Variants in USP53 observed in about 807,000 individuals in gnomAD.
The protein encoded by USP53 is ubiquitin carboxyl-terminal hydrolase 53.
USP53 carries 71 observed loss-of-function variants against 94.9 expected under a neutral mutation model. That is an observed-to-expected ratio of 0.75 (90% CI 0.62 to 0.91). The LOEUF (loss-of-function observed/expected upper bound fraction) is 0.91. USP53 is among the 40% of genes least tolerant of loss of function. The probability of loss-of-function intolerance (pLI) is 0.00; values close to 1 mark genes in which losing one functional copy is unlikely to be tolerated. For missense variants in USP53, 1,173 were observed against 1,281.0 expected, an observed-to-expected ratio of 0.92 and a Z score of 1.29; for synonymous variants, 375 against 422.7, an observed-to-expected ratio of 0.89 and a Z score of 1.39.
intron 12 of USP53, among the ~76,000 whole-genome samples, chr4:119,262,079 G>GAATAATAAGT (rs1339454298): frequency 6.6e-6 from 1 of 152,040 alleles, no homozygotes; most frequent in African/African-American, 2.4e-5. Context: ...TCCATTTCCA[G>GAATAATAAGT]AATAATAATA....
Position 119,292,886 on chromosome 4 carries a change from C to T in USP53, c.2897C>T (p.Ala966Val). 6.2e-7 allele frequency: 1 copy of T among 1,614,046 alleles called. No individual in the cohort carries two copies. The highest frequency in any genetic ancestry group is 2.2e-5 in the East Asian group (1 of 44,880). Residue 966 changes from alanine to valine, a missense_variant, in exon 19 of 19, where the codon GCT (alanine) becomes GTT (valine). By Grantham distance (64) the Ala-to-Val change is moderately conservative (BLOSUM62 0). Coordinates refer to ENST00000692078, the MANE Select transcript of USP53 (RefSeq NM_001371395.1). ...SHLPKHSLST[A>V]SEPSLEVSTH... ...CTTCCGAAGCACAGTTTAAGTACAG[C>T]TTCAGAACCAAGTTTAGAAGTGAGT...
chr4:119,240,662 G>C (rs1357427708), intron 5 of USP53, among the ~76,000 whole-genome samples: 1 of 151,696 alleles, frequency 6.6e-6, no homozygotes, highest in Non-Finnish European at 1.5e-5. Context: ...TTTTTCTTTT[G>C]AAAACTAATA....
chr4:119,258,995 T>A (rs1478082147), intron 9 of USP53, among the ~76,000 whole-genome samples: 4 of 152,138 alleles, frequency 2.6e-5, no homozygotes, highest in African/African-American at 9.7e-5. Flanking sequence ...ATGATTAGTA[T>A]CCTGGCTGAG....
At chr4:119,285,779 T>C (rs1418563571) in intron 17 of USP53, among the ~76,000 whole-genome samples, 1 of 151,920 alleles carries the variant, frequency 6.6e-6, no homozygotes, top group Non-Finnish European at 1.5e-5. Context: ...GCCGATTTTT[T>C]TTCTATGCAT....
At chr4:119,253,050 G>A (rs1363697506) in intron 7 of USP53, among the ~76,000 whole-genome samples, 1 of 152,054 alleles carries the variant, frequency 6.6e-6, no homozygotes, top group Non-Finnish European at 1.5e-5. Context: ...GTATTTGAAT[G>A]AGATTCTTAA....
intron 3 of USP53, among the ~76,000 whole-genome samples, chr4:119,221,767 C>T (rs1051933190): frequency 3.9e-5 from 6 of 152,096 alleles, no homozygotes; most frequent in Admixed American, 1.3e-4. Flanking sequence ...TCTGATTGGC[C>T]GAAATGGGCC....
chr4:119,266,180 T>C (rs1019813353), intron 12 of USP53: 2 of 435,580 alleles, frequency 4.6e-6, no homozygotes, highest in South Asian at 1.7e-5. Context: ...TAAGATTCAT[T>C]CATGTTGTTT....
At chr4:119,247,203 C>G (rs1748365421) in intron 6 of USP53, among the ~76,000 whole-genome samples, 1 of 152,114 alleles carries the variant, frequency 6.6e-6, no homozygotes, top group Non-Finnish European at 1.5e-5. Context: ...TCTTGTAGCC[C>G]TGCACAGTCA....
intron 2 of USP53, among the ~76,000 whole-genome samples, chr4:119,216,652 A>G (rs1233572226): frequency 1.3e-5 from 2 of 152,224 alleles, no homozygotes; most frequent in Middle Eastern, 3.2e-3. Context: ...TAGGTTTTTC[A>G]TATGCTAGAT....
intron 6 of USP53, among the ~76,000 whole-genome samples, chr4:119,245,985 A>G (rs543219209): frequency 1.3e-5 from 2 of 152,320 alleles, no homozygotes; most frequent in South Asian, 4.1e-4. Flanking sequence ...CCAGGTAGAC[A>G]AAGAAACAGC....
Position 119,271,904 on chromosome 4 carries a change from C to G in USP53, c.2044C>G (p.Gln682Glu). The G allele has an allele frequency of 6.2e-7, 1 of 1,614,094 alleles. No homozygotes were observed. The highest frequency in any genetic ancestry group is 8.5e-7 in the Non-Finnish European group (1 of 1,180,014). Residue 682 changes from glutamine (Q) to glutamate (E), a missense_variant, in exon 16 of 19, where the codon CAA becomes GAA. Gln to Glu is a conservative substitution (Grantham distance 29). Coordinates refer to ENST00000692078, the MANE Select transcript of USP53 (RefSeq NM_001371395.1). ...AGTGCATGGTGATAATTGGCAGATG[C>G]AAAGGACTGAGTCTGGATATGAAAG... ...GKVHGDNWQM[Q>E]RTESGYESSD...
rs148632311 is a variant in USP53 at position 119,291,113 on chromosome 4, T to C, written c.2252-52T>C. 4.1e-4 allele frequency: 360 copies of C among 885,554 alleles called. No homozygotes were observed. In the African/African-American group the frequency reaches 5.4e-3, roughly 13 times the overall value. 54.9% of individuals were successfully genotyped at this position (885,554 alleles called of 1,614,324 possible). A position where few individuals can be genotyped will look rare whatever the true frequency, so the allele number is the denominator to read the frequency against. ...AAATGAAATAAATTCTGTAACATAATTTAAATAATTTTGTTTTCCTCATCT... is the reference window on the plus strand; with the variant it reads ...AAATGAAATAAATTCTGTAACATAACTTAAATAATTTTGTTTTCCTCATCT... On this transcript the variant is annotated intron_variant, in intron 17 of 18. Coordinates refer to ENST00000692078, the MANE Select transcript of USP53 (RefSeq NM_001371395.1).
At chr4:119,268,477 A>T (rs1344726483) in intron 14 of USP53, 57 bp downstream of exon 14, 3 of 1,455,474 alleles carry the variant, frequency 2.1e-6, no homozygotes, top group African/African-American at 2.8e-5. Flanking sequence ...TCCTTTCTTC[A>T]CTTATCGGAG....
chr4:119,292,355 A>C lies in USP53; in HGVS notation c.2366A>C (p.Asp789Ala), dbSNP rs1754853516. 1.2e-6 allele frequency: 2 copies of C among 1,601,894 alleles called. No homozygotes were observed. Among genetic ancestry groups the C allele is most frequent in the South Asian group, 2.3e-5 (2 of 88,830 alleles). ...HLIKRSHVHE[D>A]NGKLFPSSSL... ...TATTTCAGATCACATGTACATGAAG[A>C]CAATGGAAAGTTATTTCCTTCATCC... The change falls in exon 19 of 19, where the codon GAC (aspartate) becomes GCC (alanine). Residue 789 changes from aspartate to alanine, a missense_variant. Coordinates refer to ENST00000692078, the MANE Select transcript of USP53 (RefSeq NM_001371395.1).
intron 12 of USP53, among the ~76,000 whole-genome samples, chr4:119,263,758 G>A (rs1192636585): frequency 1.3e-5 from 2 of 152,024 alleles, no homozygotes; most frequent in African/African-American, 2.4e-5. Context: ...GGTTGCTCTG[G>A]ACCTGATATT....
rs186938253 is a variant in USP53, at chr4:119,244,351, G to A, written c.145-986G>A. Among the ~76,000 whole-genome samples, 424 of 152,214 alleles carry A rather than the reference G, an allele frequency of 2.8e-3. 3 individuals carry two copies. The highest frequency in any genetic ancestry group is 8.7e-3 in the African/African-American group (360 of 41,506). On this transcript the variant is annotated intron_variant, in intron 5 of 18. Coordinates refer to ENST00000692078, the MANE Select transcript of USP53 (RefSeq NM_001371395.1). Reference sequence around the variant, plus strand: ...AGTTGTGGAGTAGTTGAAAATATAGGAAATATTAAAGCCAGTTTGTTTTTA... The same window carrying A: ...AGTTGTGGAGTAGTTGAAAATATAGAAAATATTAAAGCCAGTTTGTTTTTA...
chr4:119,258,048 T>A (rs1181757487), intron 9 of USP53, among the ~76,000 whole-genome samples: 1 of 152,214 alleles, frequency 6.6e-6, no homozygotes, highest in East Asian at 1.9e-4. Flanking sequence ...TAATCAGTGT[T>A]GAATACCAGT....
intron 16 of USP53, chr4:119,272,311 C>T: frequency 3.8e-6 from 1 of 262,482 alleles, no homozygotes; most frequent in Non-Finnish European, 7.2e-6. Flanking sequence ...TTGGAAAGTA[C>T]AGAAGTTTAT....
chr4:119,267,212 C>A, intron 12 of USP53, 108 bp from the exon 13 acceptor site: 1 of 939,802 alleles, frequency 1.1e-6, no homozygotes, highest in Non-Finnish European at 1.5e-6. Context: ...CTAGCAGCTG[C>A]ATATCTAAAT....
Sources: gnomAD v4.1 joint callset for allele counts (sites outside exome capture counted in the v4.1 genomes callset) on GRCh38, gnomAD v4.1.1 for gene constraint, MANE v1.5 for transcripts, NCBI Gene and HGNC (gene_info 2026-07-23, HGNC 2026-07-21) for gene names.